JAKMIP2: variants seen among roughly 807,000 people sequenced by gnomAD.
JAKMIP2 encodes janus kinase and microtubule-interacting protein 2.
JAKMIP2 carries 25 observed loss-of-function variants against 115.0 expected under a neutral mutation model. The ratio of observed to expected loss-of-function variants is 0.22; its 90% confidence interval spans 0.16 to 0.30. The LOEUF (loss-of-function observed/expected upper bound fraction) is 0.30. Ranked by LOEUF, JAKMIP2 falls within the 10% of genes least tolerant of loss-of-function variation. The pLI is 1.00. For missense variants in JAKMIP2, 642 were observed against 957.6 expected (o/e 0.67, Z 4.35); for synonymous variants, 334 against 343.6 (o/e 0.97, Z 0.31).
intron 10 of JAKMIP2, among the ~76,000 whole-genome samples, chr5:147,637,759 T>C (rs17106994): frequency 0.22 from 33,233 of 151,904 alleles, 4,630 homozygotes; most frequent in East Asian, 0.6. Flanking sequence ...TTTAAGTCCC[T>C]AAATCAATTT....
intron 1 of JAKMIP2, among the ~76,000 whole-genome samples, chr5:147,743,999 T>TTTCCTTCCTTCCTTCC (rs542685199): frequency 2.0e-3 from 226 of 112,072 alleles, no homozygotes; most frequent in African/African-American, 2.7e-3. Context: ...TCCTAACTTC[T>TTTCCTTCCTTCCTTCC]TTCCTTCCTT....
chr5:147,695,712 G>T (rs898410055), intron 1 of JAKMIP2, among the ~76,000 whole-genome samples: 3 of 151,982 alleles, frequency 2.0e-5, no homozygotes, highest in Non-Finnish European at 2.9e-5. Flanking sequence ...CAGAGAAAGA[G>T]AGAGAGAACA....
At chr5:147,635,612 A>G (rs1172866046) in intron 12 of JAKMIP2, among the ~76,000 whole-genome samples, 1 of 152,018 alleles carries the variant, frequency 6.6e-6, no homozygotes, top group Non-Finnish European at 1.5e-5. Flanking sequence ...CCCGGGCTGG[A>G]GTGCAATTGC....
chr5:147,641,659 C>T, intron 8 of JAKMIP2, 49 bp downstream of exon 8: 3 of 1,337,402 alleles, frequency 2.2e-6, no homozygotes, highest in Non-Finnish European at 3.2e-6. Context: ...CAAGCCTCAT[C>T]TCTCTGGCTG....
At chr5:147,671,074 C>T (rs1322861199) in intron 2 of JAKMIP2, among the ~76,000 whole-genome samples, 1 of 152,188 alleles carries the variant, frequency 6.6e-6, no homozygotes, top group African/African-American at 2.4e-5. Context: ...GAGCATGGAG[C>T]TGTCCAGGAA....
chr5:147,705,323 C>T (rs535891307), intron 1 of JAKMIP2, among the ~76,000 whole-genome samples: 1 of 152,154 alleles, frequency 6.6e-6, no homozygotes, highest in East Asian at 1.9e-4. Flanking sequence ...AACAATAAGG[C>T]CGGGTATGGT....
At chr5:147,612,278 T>C (rs1362616217) in intron 20 of JAKMIP2, 28 bp downstream of exon 20, 2 of 1,349,052 alleles carry the variant, frequency 1.5e-6, no homozygotes, top group Non-Finnish European at 1.1e-6. Context: ...AAACAAATAA[T>C]AAGATAGTTA....
intron 1 of JAKMIP2, among the ~76,000 whole-genome samples, chr5:147,690,653 T>C (rs937732754): frequency 6.6e-6 from 1 of 150,728 alleles, no homozygotes; most frequent in Admixed American, 6.6e-5. Context: ...TGGAAAGATA[T>C]ATGAGGTAAC....
At chr5:147,769,139 G>C (rs1183659601) in intron 1 of JAKMIP2, among the ~76,000 whole-genome samples, 2 of 152,070 alleles carry the variant, frequency 1.3e-5, no homozygotes, top group African/African-American at 4.8e-5. Flanking sequence ...CTGGCACACA[G>C]CAGGTGCTCA....
intron 1 of JAKMIP2, among the ~76,000 whole-genome samples, chr5:147,703,775 T>C (rs947099738): frequency 6.6e-6 from 1 of 152,020 alleles, no homozygotes; most frequent in Non-Finnish European, 1.5e-5. Flanking sequence ...TCAACTTTTT[T>C]ACTTCATAAA....
intron 1 of JAKMIP2, among the ~76,000 whole-genome samples, chr5:147,744,787 C>T (rs1035308303): frequency 6.6e-6 from 1 of 152,066 alleles, no homozygotes; most frequent in Non-Finnish European, 1.5e-5. Context: ...GGGCCAGGCA[C>T]AGTGGCTTAT....
In JAKMIP2 at chr5:147,682,050, A is replaced by AAG. The variant is rs1554079294; in HGVS notation, c.-148-10097_-148-10096insCT. Among the ~76,000 whole-genome samples the AAG allele has an allele frequency of 3.1e-3, 457 of 148,994 alleles. 11 individuals carry two copies. Among genetic ancestry groups the AAG allele is most frequent in the African/African-American group, 0.011 (435 of 39,872 alleles). On this transcript the variant is annotated intron_variant, in intron 1 of 21. Transcript: ENST00000616793. ...ATGAAACTCTGTTTCAAAAAAAAAA[A>AAG]AAAGAAAGAAAAATAAAAGTGACAT...
intron 3 of JAKMIP2, chr5:147,660,620 A>G (rs985127033): frequency 8.4e-6 from 3 of 356,502 alleles, no homozygotes; most frequent in Non-Finnish European, 1.6e-5. Context: ...GAATATTTTT[A>G]TAAATATCTA....
At chr5:147,780,653 T>C (rs1755722234) in intron 1 of JAKMIP2, among the ~76,000 whole-genome samples, 1 of 152,154 alleles carries the variant, frequency 6.6e-6, no homozygotes, top group Non-Finnish European at 1.5e-5. Context: ...ATATATAACA[T>C]GCTATGAGCA....
intron 19 of JAKMIP2, among the ~76,000 whole-genome samples, chr5:147,613,703 G>A (rs1756439907): frequency 6.6e-6 from 1 of 151,936 alleles, no homozygotes; most frequent in African/African-American, 2.4e-5. Context: ...CATTCGATAA[G>A]GCACAGAACA....
At chr5:147,753,404 G>A (rs1580879773) in intron 1 of JAKMIP2, among the ~76,000 whole-genome samples, 1 of 152,160 alleles carries the variant, frequency 6.6e-6, no homozygotes, top group African/African-American at 2.4e-5. Context: ...CTTTCCTACA[G>A]GGTTGAGTCA....
At chr5:147,674,310 C>T (rs534864189) in intron 1 of JAKMIP2, among the ~76,000 whole-genome samples, 11 of 152,214 alleles carry the variant, frequency 7.2e-5, no homozygotes, top group African/African-American at 2.6e-4. Flanking sequence ...GGCCAATTTC[C>T]CTCAAATCCC....
chr5:147,634,041 G>A (rs1299119903), intron 12 of JAKMIP2, among the ~76,000 whole-genome samples: 1 of 152,180 alleles, frequency 6.6e-6, no homozygotes, highest in Non-Finnish European at 1.5e-5. Flanking sequence ...TACAATGGAT[G>A]TTGAGCTTCC....
At chr5:147,636,177 C>G (rs767346207) in intron 12 of JAKMIP2, 45 bp downstream of exon 12, 5 of 1,530,554 alleles carry the variant, frequency 3.3e-6, no homozygotes, top group Non-Finnish European at 4.5e-6. Flanking sequence ...CTGGATCTCT[C>G]ATGATTTTCT....
Sources: gnomAD v4.1 joint callset for allele counts (sites outside exome capture counted in the v4.1 genomes callset) on GRCh38, gnomAD v4.1.1 for gene constraint, MANE v1.5 for transcripts, NCBI Gene and HGNC (gene_info 2026-07-23, HGNC 2026-07-21) for gene names.